The following CTNND2 variants were observed in gnomAD, a reference collection of about 807,000 sequenced individuals.
The protein encoded by CTNND2 is catenin delta-2.
In CTNND2, 22 loss-of-function variants were observed where a neutral mutation model predicts 144.4. The observed-to-expected ratio is 0.15, with a 90% CI of 0.11 to 0.22. The LOEUF (loss-of-function observed/expected upper bound fraction) is 0.22, where lower values mean the gene tolerates loss of function less well. CTNND2 is among the 10% of genes least tolerant of loss of function. The pLI is 1.00. For missense variants in CTNND2, 1,353 were observed against 1,618.8 expected, an observed-to-expected ratio of 0.84 and a Z score of 2.82; for synonymous variants, 751 against 695.6, an observed-to-expected ratio of 1.08 and a Z score of -1.25.
chr5:11,835,288 A>T (rs977663178), intron 1 of CTNND2, among the ~76,000 whole-genome samples: 2 of 152,096 alleles, frequency 1.3e-5, no homozygotes, highest in Non-Finnish European at 2.9e-5. Flanking sequence ...TTTTTGTCTG[A>T]GTTGGTATCA....
At chr5:11,468,331 G>A (rs1192387794) in intron 3 of CTNND2, among the ~76,000 whole-genome samples, 2 of 152,194 alleles carry the variant, frequency 1.3e-5, no homozygotes, top group Non-Finnish European at 2.9e-5. Context: ...TTAAAAATTT[G>A]TAATCATAAA....
rs556078364 is a variant in CTNND2 at position 11,090,906 on chromosome 5, T to C, written c.2637+7669A>G. Among the ~76,000 whole-genome samples, 6 of 152,234 alleles carry C rather than the reference T, an allele frequency of 3.9e-5. No homozygotes were observed. In the East Asian group the frequency reaches 1.2e-3, roughly 29 times the overall value. The stretch of plus-strand genomic sequence containing the variant: ...TCTTCCTTATCTTGTATGGAACATG[T>C]CTTTTCTTCCTCTGGATGCTTTGAA... On this transcript the variant is annotated intron_variant, in intron 15 of 21. Coordinates refer to ENST00000304623, the MANE Select transcript of CTNND2 (RefSeq NM_001332.4).
intron 7 of CTNND2, among the ~76,000 whole-genome samples, chr5:11,366,881 A>T (rs1422157555): frequency 6.6e-6 from 1 of 152,210 alleles, no homozygotes; most frequent in East Asian, 1.9e-4. Context: ...CTCTTATTAC[A>T]TGCATTTATT....
chr5:11,779,471 G>A (rs190444110), intron 1 of CTNND2, among the ~76,000 whole-genome samples: 240 of 152,320 alleles, frequency 1.6e-3, no homozygotes, highest in African/African-American at 5.5e-3. Context: ...GGGAAGAACT[G>A]CAGGCTGCCT....
intron 1 of CTNND2, among the ~76,000 whole-genome samples, chr5:11,861,871 T>C (rs1795520472): frequency 6.6e-6 from 1 of 152,184 alleles, no homozygotes. Context: ...TCTCACACCT[T>C]AGGGACCCAA....
At chr5:11,857,965 G>A (rs182907488) in intron 1 of CTNND2, among the ~76,000 whole-genome samples, 1 of 152,320 alleles carries the variant, frequency 6.6e-6, no homozygotes, top group African/African-American at 2.4e-5. Context: ...CACAGAAACT[G>A]TGGGTTCCTT....
chr5:11,286,708 T>C (rs183439838), intron 9 of CTNND2, among the ~76,000 whole-genome samples: 99 of 152,016 alleles, frequency 6.5e-4, no homozygotes, highest in Non-Finnish European at 1.2e-3. Flanking sequence ...ACATACAGGG[T>C]GAAATAGAAA....
chr5:11,609,953 C>A (rs966806814), intron 2 of CTNND2, among the ~76,000 whole-genome samples: 1 of 152,204 alleles, frequency 6.6e-6, no homozygotes, highest in Non-Finnish European at 1.5e-5. Flanking sequence ...TACACAATGA[C>A]CTCCTTTAAA....
At chr5:11,890,528 T>A (rs182619559) in intron 1 of CTNND2, among the ~76,000 whole-genome samples, 171 of 152,312 alleles carry the variant, frequency 1.1e-3, no homozygotes, top group Non-Finnish European at 3.5e-4. Context: ...TCAACATCTA[T>A]CTATGATATG....
Position 11,328,075 on chromosome 5 carries a change from C to A in CTNND2, c.1628+18297G>T, listed in dbSNP as rs373696905. 5.9e-5 allele frequency among the ~76,000 whole-genome samples: 9 copies of A among 152,198 alleles called. No homozygotes were observed. In the South Asian group the frequency reaches 1.9e-3, roughly 32 times the overall value. Reference sequence around the variant, plus strand: ...CTTATTCTGTAGAAACCATTTCATTCCCATAAGTGAGTACGTTCACTTTAT... The same window carrying A: ...CTTATTCTGTAGAAACCATTTCATTACCATAAGTGAGTACGTTCACTTTAT... On this transcript the variant is annotated intron_variant, in intron 9 of 21. Coordinates refer to ENST00000304623, the MANE Select transcript of CTNND2 (RefSeq NM_001332.4).
chr5:11,004,870 C>CGT (rs1349670030), intron 18 of CTNND2, among the ~76,000 whole-genome samples: 1 of 151,316 alleles, frequency 6.6e-6, no homozygotes, highest in Non-Finnish European at 1.5e-5. Flanking sequence ...GGGGTAGCTA[C>CGT]ACTGGTGCTT....
At chr5:11,864,349 G>A (rs190433475) in intron 1 of CTNND2, among the ~76,000 whole-genome samples, 1 of 152,280 alleles carries the variant, frequency 6.6e-6, no homozygotes, top group Admixed American at 6.5e-5. Context: ...TTAGAAATGT[G>A]GATGCCACAA....
Position 11,527,725 on chromosome 5 carries a change from T to A in CTNND2, c.287+37219A>T, listed in dbSNP as rs539501276. Among the ~76,000 whole-genome samples, 5 of 152,318 alleles carry A rather than the reference T, an allele frequency of 3.3e-5. No individual in the cohort carries two copies. The South Asian group carries it at 6.2e-4, about 19-fold the overall frequency. On this transcript the variant is annotated intron_variant, in intron 3 of 21. Transcript: ENST00000304623. Reference sequence around the variant, plus strand: ...GTGTCATTATATTTAATATTTCATATAAACCTGTCTTCTAAATTTTACTGT... The same window carrying A: ...GTGTCATTATATTTAATATTTCATAAAAACCTGTCTTCTAAATTTTACTGT...
At chr5:11,083,815 C>G (rs1236107199) in intron 15 of CTNND2, 28 of 784,536 alleles carry the variant, frequency 3.6e-5, no homozygotes, top group Non-Finnish European at 4.3e-5. Context: ...CCCACCCAGT[C>G]CCCCCACCAG....
chr5:11,121,013 C>T lies in CTNND2; in HGVS notation c.2160-3446G>A, dbSNP rs370652863. Among the ~76,000 whole-genome samples, 15 of 152,296 alleles carry T rather than the reference C, an allele frequency of 9.8e-5. No individual in the cohort carries two copies. The East Asian group carries it at 1.5e-3, about 16-fold the overall frequency. Reference sequence around the variant, plus strand: ...GACACAAGTTCTACTCTTTCAACCACAAATTTCAGCTTTTTATTGTTGTTG... The same window carrying T: ...GACACAAGTTCTACTCTTTCAACCATAAATTTCAGCTTTTTATTGTTGTTG... On this transcript the variant is annotated intron_variant, in intron 12 of 21. Transcript: ENST00000304623.
intron 12 of CTNND2, among the ~76,000 whole-genome samples, chr5:11,158,278 A>G (rs1173126616): frequency 2.0e-5 from 3 of 152,232 alleles, no homozygotes; most frequent in Non-Finnish European, 4.4e-5. Flanking sequence ...ATGGGAGTTC[A>G]GAAGAGCCTA....
intron 9 of CTNND2, among the ~76,000 whole-genome samples, chr5:11,315,962 C>T (rs1580883156): frequency 6.6e-6 from 1 of 152,138 alleles, no homozygotes; most frequent in African/African-American, 2.4e-5. Flanking sequence ...TGGCCATTAC[C>T]AACCTGGATT....
intron 3 of CTNND2, among the ~76,000 whole-genome samples, chr5:11,465,455 C>A (rs913527212): frequency 6.6e-6 from 1 of 152,144 alleles, no homozygotes; most frequent in South Asian, 2.1e-4. Flanking sequence ...CAACTGTACA[C>A]CTAGGCATTC....
intron 18 of CTNND2, among the ~76,000 whole-genome samples, chr5:11,017,627 A>G (rs61751682): frequency 6.9e-6 from 1 of 145,614 alleles, no homozygotes; most frequent in African/African-American, 2.6e-5. Flanking sequence ...TATATTTCCA[A>G]AATTACTTGT....
Sources: gnomAD v4.1 joint callset for allele counts (sites outside exome capture counted in the v4.1 genomes callset) on GRCh38, gnomAD v4.1.1 for gene constraint, MANE v1.5 for transcripts, NCBI Gene and HGNC (gene_info 2026-07-23, HGNC 2026-07-21) for gene names.